The following CFAP65 variants were observed in gnomAD, a reference collection of about 807,000 sequenced individuals.
CFAP65 encodes cilia and flagella associated protein 65, also known as cilia- and flagella-associated protein 65.
CFAP65 carries 155 observed loss-of-function variants against 208.0 expected under a neutral mutation model. That is an observed-to-expected ratio of 0.75 (90% confidence interval 0.65 to 0.85). CFAP65 has a LOEUF of 0.85. Ranked by LOEUF, CFAP65 falls within the 40% of genes least tolerant of loss-of-function variation. The probability of loss-of-function intolerance (pLI) is 0.00; values close to 1 mark genes in which losing one functional copy is unlikely to be tolerated. For synonymous variants in CFAP65, 970 were observed against 986.3 expected (o/e 0.98, Z 0.31); for missense variants, 2,294 against 2,451.3 (o/e 0.94, Z 1.36).
chr2:219,022,025 G>T (rs1019727870), intron 17 of CFAP65, 95 bp from the exon 18 acceptor site: 10 of 1,557,684 alleles, frequency 6.4e-6, no homozygotes, highest in Non-Finnish European at 7.9e-6. Flanking sequence ...CCCAAGGAAG[G>T]GCAAGTTTGG....
Position 219,004,355 on chromosome 2 carries a change from A to T in CFAP65, c.5152T>A (p.Phe1718Ile). The change falls in exon 33 of 35, where the codon TTC (phenylalanine) becomes ATC (isoleucine). Residue 1718 changes from phenylalanine (F) to isoleucine (I), a missense_variant. This residue lies in a region of CFAP65 where 1,427 missense variants were observed against 1,438.7 expected (regional missense o/e 0.99). Transcript: ENST00000341552. The surrounding 1 kb of genome is among the most constrained non-coding windows in gnomAD (Gnocchi z 4.7). ...TACAGGCTGTTTTTCTGGTCCATGA[A>T]CTTAGTTGACTGCTCATTCCAGAAT... ...RQFWNEQSTK[F>I]MDQKNSLYLM... 6.2e-7 allele frequency: 1 copy of T among 1,614,040 alleles called. No homozygotes were observed. The highest frequency in any genetic ancestry group is 8.5e-7 in the Non-Finnish European group (1 of 1,180,032).
Position 219,010,938 on chromosome 2 carries a change from A to G in CFAP65, c.4016T>C (p.Val1339Ala). Residue 1339 changes from valine to alanine, a missense_variant, in exon 25 of 35, where the codon GTC becomes GCC. Val to Ala is a moderately conservative substitution (Grantham distance 64). Transcript: ENST00000341552. ...VPVTYEVQTD[V>A]LSQVQEKNFD... ...ATTTTTTTCCTGAACCTGTGACAGG[A>G]CATCGGTCTGGACCTCATATGTCAC... 6.2e-7 allele frequency: 1 copy of G among 1,613,916 alleles called. No homozygotes were observed. Among genetic ancestry groups the G allele is most frequent in the South Asian group, 1.1e-5 (1 of 91,084 alleles).
rs202088592 is a variant in CFAP65, at chr2:219,019,071, G to A, written c.3582C>T (p.Ser1194=). ...PSVVFLALKN[S]GVVSLDWAFL... is the part of the protein sequence containing the mutation. The stretch of plus-strand genomic sequence containing the variant: ...CATACCAGTCCAGGGACACCACTCC[G>A]CTGTTCTTCAGGGCCAGGAATACCA... Residue 1194 remains serine, a synonymous_variant, in exon 21 of 35, where the codon AGC becomes AGT. Transcript: ENST00000341552. The A allele has an allele frequency of 7.2e-5, 117 of 1,614,234 alleles. No homozygotes were observed. The highest frequency in any genetic ancestry group is 1.8e-4 in the East Asian group (8 of 44,888).
At position 219,029,478 on chromosome 2, in the gene CFAP65, C is replaced by T; in HGVS notation, c.1575G>A (p.Met525Ile). 6 of 1,614,122 alleles carry T rather than the reference C, an allele frequency of 3.7e-6. No individual in the cohort carries two copies. Among genetic ancestry groups the T allele is most frequent in the Non-Finnish European group, 5.1e-6 (6 of 1,180,010 alleles). Reference sequence around the variant, plus strand: ...TGGGCTGGAAGGCACAGTGCAGGGTCATACGGGCCTTGCCCACCAGCGTCC... The same window carrying T: ...TGGGCTGGAAGGCACAGTGCAGGGTTATACGGGCCTTGCCCACCAGCGTCC... Reference protein sequence around the residue: ...AFGTLVGKARMTLHCAFQPTH... With the variant: ...AFGTLVGKARITLHCAFQPTH... Residue 525 changes from methionine (M) to isoleucine (I), a missense_variant, in exon 11 of 35, where the codon ATG (methionine) becomes ATA (isoleucine). Around this residue, in one of 2 missense-constraint regions of CFAP65, gnomAD observed 867 missense variants for 1,012.6 expected, o/e 0.86. Transcript: ENST00000341552.
intron 10 of CFAP65, 152 bp from the exon 11 acceptor site, chr2:219,029,820 G>A: frequency 8.7e-7 from 1 of 1,146,768 alleles, no homozygotes; most frequent in South Asian, 1.5e-5. Flanking sequence ...GTGGGACTGG[G>A]ATCTCCAGGT....
At chr2:219,021,097 C>A in intron 19 of CFAP65, 55 bp downstream of exon 19, 1 of 1,465,514 alleles carries the variant, frequency 6.8e-7, no homozygotes, top group East Asian at 2.5e-5. Flanking sequence ...ACAGCCCTCC[C>A]CCTTCATCCT....
chr2:219,019,699 G>GCTT lies in CFAP65; in HGVS notation c.3277_3279dup (p.Lys1093dup), dbSNP rs1420361238. ...ACCAGGGAGACGCAGCACAGCTCCT[G>GCTT]CTTCTCCCCAGCCTTGTTATCTGGG... On this transcript the variant is annotated inframe_insertion, in exon 20 of 35. Transcript: ENST00000341552. The GCTT allele has an allele frequency of 6.2e-7, 1 of 1,613,226 alleles. No homozygotes were observed. The highest frequency in any genetic ancestry group is 1.3e-5 in the African/African-American group (1 of 74,936).
chr2:219,036,667 C>T (rs1948384742), intron 4 of CFAP65, among the ~76,000 whole-genome samples: 1 of 152,156 alleles, frequency 6.6e-6, no homozygotes, highest in Non-Finnish European at 1.5e-5. Context: ...AGGTCTTGAA[C>T]TCCTGACCTC....
chr2:219,025,176 C>A (rs1451023292), intron 14 of CFAP65, among the ~76,000 whole-genome samples: 1 of 152,068 alleles, frequency 6.6e-6, no homozygotes, highest in Non-Finnish European at 1.5e-5. Flanking sequence ...GACGCCAGAT[C>A]TTCTGGGCTG....
At position 219,022,671 on chromosome 2, in the gene CFAP65, C is replaced by T. The variant is rs989364297; in HGVS notation, c.2821-342G>A. The stretch of plus-strand genomic sequence containing the variant: ...CAGGCTATGAGGCCTCTTGTCCCCC[C>T]GAGGGGCTGTCCCCTTGGCTCTTAC... On this transcript the variant is annotated intron_variant, in intron 16 of 34. Coordinates refer to ENST00000341552, the MANE Select transcript of CFAP65 (RefSeq NM_194302.4). Among the ~76,000 whole-genome samples, 10 of 152,214 alleles carry T rather than the reference C, an allele frequency of 6.6e-5. No homozygotes were observed. The South Asian group carries it at 1.2e-3, about 19-fold the overall frequency.
intron 24 of CFAP65, among the ~76,000 whole-genome samples, chr2:219,011,887 C>G (rs1238166664): frequency 6.6e-6 from 1 of 152,208 alleles, no homozygotes; most frequent in Non-Finnish European, 1.5e-5. Context: ...CCACAAAATC[C>G]ATATGTTGAA....
Position 219,028,299 on chromosome 2 carries a change from G to A in CFAP65, c.1753C>T (p.Arg585Trp), listed in dbSNP as rs780369416. Residue 585 changes from arginine to tryptophan, a missense_variant, in exon 12 of 35, where the codon CGG becomes TGG. Transcript: ENST00000341552. Reference sequence around the variant, plus strand: ...TCAGGGGGGTAGAGCGTCAGGCCCCGGGCCAGGTGTGTGCGGTACCAGGTG... The same window carrying A: ...TCAGGGGGGTAGAGCGTCAGGCCCCAGGCCAGGTGTGTGCGGTACCAGGTG... ...HLTWYRTHLA[R>W]GLTLYPPDIL... 4.3e-6 allele frequency: 7 copies of A among 1,613,940 alleles called. No homozygotes were observed. The highest frequency in any genetic ancestry group is 2.2e-5 in the East Asian group (1 of 44,890).
chr2:219,029,803 G>T, intron 10 of CFAP65, 135 bp from the exon 11 acceptor site: 2 of 1,216,302 alleles, frequency 1.6e-6, no homozygotes, highest in Admixed American at 2.3e-5. Flanking sequence ...AGCATCACTG[G>T]ATGCCAGTGG....
rs757197711 is a variant in CFAP65 at position 219,003,111 on chromosome 2, G to T, written c.5693+24C>A. 6.5e-7 allele frequency: 1 copy of T among 1,542,816 alleles called. No individual in the cohort carries two copies. On this transcript the variant is annotated intron_variant, in intron 34 of 34. Transcript: ENST00000341552. This position sits in a 1 kb window ranked among gnomAD's most constrained non-coding sequence, Gnocchi z 4.4. ...GTGGCCCCTCTCGCGCGGTCTGCGC[G>T]GCCGCTGGTCCCGGCGCCCTTACCT...
chr2:219,041,334 A>G, intron 1 of CFAP65, 154 bp downstream of exon 1: 1 of 686,796 alleles, frequency 1.5e-6, no homozygotes, highest in South Asian at 1.8e-5. Context: ...GATCTCGCCC[A>G]AGACTCAGTC....
intron 22 of CFAP65, 133 bp downstream of exon 22, chr2:219,013,735 A>C: frequency 8.7e-7 from 1 of 1,146,328 alleles, no homozygotes; most frequent in South Asian, 1.3e-5. Context: ...AGGAAATTAG[A>C]CCTCCTCTGC....
chr2:219,006,960 C>T (rs1358727189), intron 29 of CFAP65, among the ~76,000 whole-genome samples: 1 of 151,954 alleles, frequency 6.6e-6, no homozygotes, highest in East Asian at 1.9e-4. Context: ...TAGAGAAGTG[C>T]TGCCTGCAGA....
At position 219,010,957 on chromosome 2, in the gene CFAP65, A is replaced by G; in HGVS notation, c.3997T>C (p.Tyr1333His). ...LYNGGSVPVT[Y>H]EVQTDVLSQV... is the part of the protein sequence containing the mutation. The stretch of plus-strand genomic sequence containing the variant: ...GACAGGACATCGGTCTGGACCTCAT[A>G]TGTCACGGGCACTGAGCCACCATTA... Residue 1333 changes from tyrosine (Y) to histidine (H), a missense_variant, in exon 25 of 35, where the codon TAT becomes CAT. By Grantham distance (83) the Tyr-to-His change is moderately conservative. Around this residue, in one of 2 missense-constraint regions of CFAP65, gnomAD observed 1,427 missense variants for 1,438.7 expected, o/e 0.99. Transcript: ENST00000341552. The G allele has an allele frequency of 1.9e-6, 3 of 1,613,646 alleles. No homozygotes were observed. The highest frequency in any genetic ancestry group is 2.5e-6 in the Non-Finnish European group (3 of 1,179,852).
intron 1 of CFAP65, among the ~76,000 whole-genome samples, chr2:219,041,152 C>T (rs1283621906): frequency 6.6e-6 from 1 of 152,196 alleles, no homozygotes; most frequent in Non-Finnish European, 1.5e-5. Flanking sequence ...AAATATATAT[C>T]ATGAGCTTCC....
Sources: allele counts gnomAD v4.1 joint callset (sites outside exome capture counted in the v4.1 genomes callset), GRCh38; gene constraint gnomAD v4.1.1; regional missense constraint gnomAD v4.1.1; non-coding constraint Gnocchi (gnomAD v3.1); transcripts MANE v1.5; gene names NCBI Gene and HGNC (gene_info 2026-07-23, HGNC 2026-07-21).